SCFD2: variants seen among roughly 807,000 people sequenced by gnomAD.
SCFD2 encodes the protein sec1 family domain containing 2.
In SCFD2, 54 loss-of-function variants were observed where a neutral mutation model predicts 58.9. The ratio of observed to expected loss-of-function variants is 0.92; its 90% CI spans 0.74 to 1.15. The LOEUF (loss-of-function observed/expected upper bound fraction) is 1.15. Ranked by LOEUF, SCFD2 falls within the 50% of genes most tolerant of loss-of-function variation. The pLI is 0.00. For missense variants in SCFD2, 805 were observed against 836.6 expected (o/e 0.96, Z 0.47); for synonymous variants, 321 against 335.9 (o/e 0.96, Z 0.49).
At chr4:53,324,420 CAAA>C (rs34865805) in intron 2 of SCFD2, among the ~76,000 whole-genome samples, 1 of 93,814 alleles carries the variant, frequency 1.1e-5, no homozygotes. Flanking sequence ...CCTGTCTCTC[CAAA>C]AAAAAAAAAA....
intron 5 of SCFD2, among the ~76,000 whole-genome samples, chr4:53,135,433 G>T (rs1725907255): frequency 6.6e-6 from 1 of 152,070 alleles, no homozygotes; most frequent in African/African-American, 2.4e-5. Flanking sequence ...ATGCTTCCCT[G>T]GCAAAAATAA....
At chr4:52,992,730 G>T (rs1412302820) in intron 5 of SCFD2, among the ~76,000 whole-genome samples, 1 of 152,144 alleles carries the variant, frequency 6.6e-6, no homozygotes, top group Non-Finnish European at 1.5e-5. Flanking sequence ...CGTCTGAGAA[G>T]TGAAGAGCCC....
At chr4:53,157,746 A>G (rs1017036581) in intron 4 of SCFD2, among the ~76,000 whole-genome samples, 3 of 152,186 alleles carry the variant, frequency 2.0e-5, no homozygotes, top group Admixed American at 6.5e-5. Flanking sequence ...CAATATCAAT[A>G]GTTACCAATT....
chr4:53,024,306 A>G (rs78287220), intron 5 of SCFD2, among the ~76,000 whole-genome samples: 2,250 of 152,280 alleles, frequency 0.015, 26 homozygotes, highest in Non-Finnish European at 0.022. Flanking sequence ...AAACTGGCTA[A>G]CAAACACTGA....
At chr4:53,050,758 G>T (rs915773953) in intron 5 of SCFD2, among the ~76,000 whole-genome samples, 2 of 152,022 alleles carry the variant, frequency 1.3e-5, no homozygotes, top group Non-Finnish European at 2.9e-5. Flanking sequence ...GTTTTATTTC[G>T]ATGGCCCTCC....
intron 4 of SCFD2, among the ~76,000 whole-genome samples, chr4:53,211,257 T>TCC (rs1560387245): frequency 2.7e-5 from 4 of 149,940 alleles, no homozygotes; most frequent in Non-Finnish European, 5.9e-5. Context: ...AAAAAAAAAA[T>TCC]CCAAGAGAAC....
intron 5 of SCFD2, among the ~76,000 whole-genome samples, chr4:53,104,702 A>G (rs1189919737): frequency 6.6e-6 from 1 of 152,206 alleles, no homozygotes; most frequent in Non-Finnish European, 1.5e-5. Flanking sequence ...CATTCTAAAA[A>G]ACAAAGTTTA....
chr4:53,341,143 A>G (rs1347222304), intron 2 of SCFD2, among the ~76,000 whole-genome samples: 2 of 152,228 alleles, frequency 1.3e-5, no homozygotes, highest in Non-Finnish European at 2.9e-5. Context: ...GCGGCTTTAG[A>G]TGACCAAACT....
chr4:52,992,280 C>T (rs1046154876), intron 5 of SCFD2, among the ~76,000 whole-genome samples: 8 of 152,234 alleles, frequency 5.3e-5, no homozygotes, highest in Non-Finnish European at 1.0e-4. Context: ...CTGCCAGCCT[C>T]GGCCTCCTGA....
intron 4 of SCFD2, among the ~76,000 whole-genome samples, chr4:53,197,634 C>A (rs1271434708): frequency 1.3e-5 from 2 of 150,200 alleles, no homozygotes; most frequent in Non-Finnish European, 3.0e-5. Context: ...ATGCTGATTG[C>A]TGTTTAGCAG....
At chr4:53,270,163 G>A (rs1238692501) in intron 4 of SCFD2, among the ~76,000 whole-genome samples, 5 of 152,122 alleles carry the variant, frequency 3.3e-5, no homozygotes, top group Non-Finnish European at 5.9e-5. Flanking sequence ...ATGTGTGTGT[G>A]GGAACAAGTT....
In SCFD2 at chr4:53,087,659, T is replaced by C. The variant is rs1237411646; in HGVS notation, c.1561+57674A>G. 1.4e-4 allele frequency among the ~76,000 whole-genome samples: 9 copies of C among 65,650 alleles called. No individual in the cohort carries two copies. The South Asian group carries it at 5.1e-3, about 37-fold the overall frequency. The allele number at this position is 65,650 out of a possible 152,430, so 43.1% of individuals were successfully genotyped here. A position where few individuals can be genotyped will look rare whatever the true frequency, so the allele number is the denominator to read the frequency against. On this transcript the variant is annotated intron_variant, in intron 5 of 8. Transcript: ENST00000401642. ...AAGCTATTTCTTTTTTCTTTTTCCT[T>C]TTTTTTTTTTTTTTTTTTGAGACGG...
In SCFD2 at chr4:53,113,399, A is replaced by T. The variant is rs550902034; in HGVS notation, c.1561+31934T>A. The stretch of plus-strand genomic sequence containing the variant: ...GCAGCTCTGTTTGCCTGTGTCCTGG[A>T]GTAAGGGGGACAAAAATACTGATGG... On this transcript the variant is annotated intron_variant, in intron 5 of 8. Transcript: ENST00000401642. Among the ~76,000 whole-genome samples, 152 of 152,198 alleles carry T rather than the reference A, an allele frequency of 1.0e-3. 1 individual carries two copies. The highest frequency in any genetic ancestry group is 3.5e-3 in the African/African-American group (145 of 41,556).
At chr4:53,150,033 A>G (rs1726460136) in intron 4 of SCFD2, among the ~76,000 whole-genome samples, 1 of 152,226 alleles carries the variant, frequency 6.6e-6, no homozygotes, top group Non-Finnish European at 1.5e-5. Context: ...TGGAGTTTAT[A>G]GTTAATGTAC....
At chr4:52,960,525 T>C (rs961832923) in intron 5 of SCFD2, among the ~76,000 whole-genome samples, 10 of 152,150 alleles carry the variant, frequency 6.6e-5, no homozygotes, top group African/African-American at 1.9e-4. Flanking sequence ...TACACCACCA[T>C]GCCCAGCTAA....
intron 4 of SCFD2, among the ~76,000 whole-genome samples, chr4:53,259,573 G>A (rs1333796256): frequency 6.6e-6 from 1 of 152,130 alleles, no homozygotes; most frequent in Non-Finnish European, 1.5e-5. Flanking sequence ...TGTTCCACTG[G>A]TCTATGTGCC....
chr4:53,295,050 T>C (rs931890277), intron 3 of SCFD2, among the ~76,000 whole-genome samples: 2 of 152,240 alleles, frequency 1.3e-5, no homozygotes, highest in Non-Finnish European at 2.9e-5. Context: ...AGCCCTGTAG[T>C]ATAGTTTGAA....
chr4:53,145,934 A>T (rs867208302), intron 4 of SCFD2, among the ~76,000 whole-genome samples: 3 of 152,366 alleles, frequency 2.0e-5, no homozygotes, highest in Middle Eastern at 3.4e-3. Flanking sequence ...ATATTATTTA[A>T]CAAAAAAACA....
chr4:53,247,788 G>A (rs1305359956), intron 4 of SCFD2, among the ~76,000 whole-genome samples: 4 of 139,086 alleles, frequency 2.9e-5, no homozygotes, highest in Non-Finnish European at 4.6e-5. Flanking sequence ...GTGAACCCGG[G>A]AAGCGGAGCT....
Sources: gnomAD v4.1 joint callset for allele counts (sites outside exome capture counted in the v4.1 genomes callset) on GRCh38, gnomAD v4.1.1 for gene constraint, MANE v1.5 for transcripts, NCBI Gene and HGNC (gene_info 2026-07-23, HGNC 2026-07-21) for gene names.